FMN2: variants seen among roughly 807,000 people sequenced by gnomAD.
FMN2 encodes the protein formin-2.
Under a neutral mutation model 142.3 loss-of-function variants are expected in FMN2, and 51 were observed. The ratio of observed to expected loss-of-function variants is 0.36; its 90% CI spans 0.29 to 0.45. The LOEUF is 0.45. Among genes scored for constraint, FMN2 ranks in the 20% least tolerant of loss-of-function variants. The pLI is 1.00. For missense variants in FMN2, 1,936 were observed against 2,122.8 expected (o/e 0.91, Z 1.73); for synonymous variants, 882 against 869.8 (o/e 1.01, Z -0.25).
chr1:240,434,815 G>A (rs9661148), intron 15 of FMN2, among the ~76,000 whole-genome samples: 112,918 of 148,072 alleles, frequency 0.76, 43,251 homozygotes, highest in East Asian at 0.81. Context: ...CTCGTGATCC[G>A]CTGCCTCAGC....
At chr1:240,302,336 C>T (rs1670228588) in intron 8 of FMN2, among the ~76,000 whole-genome samples, 1 of 151,896 alleles carries the variant, frequency 6.6e-6, no homozygotes, top group East Asian at 1.9e-4. Context: ...ATTTGCAATA[C>T]CTGGGCCCTC....
At chr1:240,201,163 C>T (rs1006979566) in intron 4 of FMN2, among the ~76,000 whole-genome samples, 4 of 152,256 alleles carry the variant, frequency 2.6e-5, no homozygotes, top group African/African-American at 4.8e-5. Flanking sequence ...TGTTCTGTTA[C>T]GCACTAATAA....
At chr1:240,283,684 G>T (rs948349156) in intron 7 of FMN2, among the ~76,000 whole-genome samples, 2 of 152,180 alleles carry the variant, frequency 1.3e-5, no homozygotes, top group Non-Finnish European at 2.9e-5. Flanking sequence ...TTATACAATA[G>T]AGGGAGTAGC....
intron 1 of FMN2, among the ~76,000 whole-genome samples, chr1:240,097,559 G>A (rs914322879): frequency 6.6e-6 from 1 of 152,026 alleles, no homozygotes; most frequent in African/African-American, 2.4e-5. Context: ...GTTTCACCGT[G>A]TTAGCCAGGA....
At chr1:240,370,944 A>G (rs1672845478) in intron 14 of FMN2, among the ~76,000 whole-genome samples, 1 of 152,132 alleles carries the variant, frequency 6.6e-6, no homozygotes, top group Admixed American at 6.6e-5. Context: ...ATGTGTGTTT[A>G]TTTATTTTTG....
At chr1:240,331,510 A>G (rs1671377823) in intron 11 of FMN2, among the ~76,000 whole-genome samples, 1 of 152,184 alleles carries the variant, frequency 6.6e-6, no homozygotes, top group South Asian at 2.1e-4. Context: ...AATTCTGGAC[A>G]TGTTTTTGAA....
At chr1:240,347,455 G>A (rs74870376) in intron 13 of FMN2, among the ~76,000 whole-genome samples, 1,945 of 152,140 alleles carry the variant, frequency 0.013, 21 homozygotes, top group African/African-American at 0.027. Flanking sequence ...TTCTCCTCCC[G>A]ACAGCACTCA....
intron 2 of FMN2, chr1:240,143,326 C>T (rs1663276216): frequency 1.4e-5 from 21 of 1,502,726 alleles, no homozygotes; most frequent in South Asian, 5.7e-5. Context: ...TACAGCCCTC[C>T]GGAGTGCAGG....
Position 240,207,601 on chromosome 1 carries a change from G to A in FMN2, c.2789G>A (p.Gly930Asp), listed in dbSNP as rs1206150827. 6.3e-7 allele frequency: 1 copy of A among 1,585,842 alleles called. No homozygotes were observed. Among genetic ancestry groups the A allele is most frequent in the Non-Finnish European group, 8.6e-7 (1 of 1,166,122 alleles). Residue 930 changes from glycine (G) to aspartate (D), a missense_variant, in exon 5 of 18, where the codon GGC (glycine) becomes GAC (aspartate). Physicochemically the swap from Gly to Asp is moderately conservative, Grantham distance 94. Coordinates refer to ENST00000319653, the MANE Select transcript of FMN2 (RefSeq NM_020066.5). ...CCTCCGCCGCCTCTACCCGGAGCAG[G>A]CATACTCCCTCTGCCCCCTCTACCC... Reference protein sequence around the residue: ...IPPPPPLPGAGILPLPPLPGA... With the variant: ...IPPPPPLPGADILPLPPLPGA...
At chr1:240,098,490 T>C (rs992573986) in intron 1 of FMN2, among the ~76,000 whole-genome samples, 2 of 152,126 alleles carry the variant, frequency 1.3e-5, no homozygotes, top group African/African-American at 4.8e-5. Flanking sequence ...AGTAGTTTGA[T>C]TTCCAGCAGA....
intron 16 of FMN2, among the ~76,000 whole-genome samples, chr1:240,441,919 T>G (rs1157940829): frequency 6.6e-6 from 1 of 152,154 alleles, no homozygotes; most frequent in East Asian, 1.9e-4. Flanking sequence ...AACCCCGCTC[T>G]GAATACCTCA....
intron 14 of FMN2, among the ~76,000 whole-genome samples, chr1:240,361,166 T>C (rs79232758): frequency 2.5e-5 from 1 of 40,304 alleles, no homozygotes; most frequent in African/African-American, 1.2e-4. Flanking sequence ...TATATATATA[T>C]ATATATATAT....
chr1:240,135,142 G>A (rs1205464341), intron 2 of FMN2, among the ~76,000 whole-genome samples: 1 of 152,136 alleles, frequency 6.6e-6, no homozygotes, highest in African/African-American at 2.4e-5. Context: ...GCTTTCCCTA[G>A]CACCTCACCA....
At chr1:240,315,598 T>G (rs1670756564) in intron 8 of FMN2, among the ~76,000 whole-genome samples, 1 of 152,248 alleles carries the variant, frequency 6.6e-6, no homozygotes, top group Non-Finnish European at 1.5e-5. Flanking sequence ...TTCAAGACTT[T>G]CAGGTCCCTG....
chr1:240,142,973 T>G, intron 2 of FMN2: 1 of 1,587,666 alleles, frequency 6.3e-7, no homozygotes, highest in Non-Finnish European at 8.6e-7. Flanking sequence ...GAATAATGTT[T>G]CGAACATCCA....
intron 6 of FMN2, among the ~76,000 whole-genome samples, chr1:240,252,223 C>G (rs1201613851): frequency 2.6e-5 from 4 of 152,086 alleles, no homozygotes; most frequent in Non-Finnish European, 5.9e-5. Flanking sequence ...TAACTGATTT[C>G]TGATTGCTTT....
At chr1:240,429,324 A>G (rs1675058617) in intron 15 of FMN2, among the ~76,000 whole-genome samples, 1 of 152,158 alleles carries the variant, frequency 6.6e-6, no homozygotes, top group Non-Finnish European at 1.5e-5. Flanking sequence ...CTGCAGAGCC[A>G]TTATTTTGCT....
chr1:240,265,528 G>A (rs1201852759), intron 7 of FMN2, among the ~76,000 whole-genome samples: 3 of 152,138 alleles, frequency 2.0e-5, no homozygotes, highest in Admixed American at 6.6e-5. Context: ...TATTGTAAGA[G>A]AGTTCTCACC....
intron 16 of FMN2, among the ~76,000 whole-genome samples, chr1:240,460,128 C>CT (rs1308628629): frequency 2.0e-5 from 3 of 152,212 alleles, no homozygotes; most frequent in African/African-American, 7.2e-5. Flanking sequence ...AAGATGAACG[C>CT]TATAGCCCAC....
Sources: gnomAD v4.1 joint callset for allele counts (sites outside exome capture counted in the v4.1 genomes callset) on GRCh38, gnomAD v4.1.1 for gene constraint, MANE v1.5 for transcripts, NCBI Gene and HGNC (gene_info 2026-07-23, HGNC 2026-07-21) for gene names.